Variants in FNDC3A observed in about 807,000 individuals in gnomAD.
The protein encoded by FNDC3A is fibronectin type-III domain-containing protein 3A.
A neutral mutation model predicts 148.9 loss-of-function variants in FNDC3A; 32 were observed. That is an observed-to-expected ratio of 0.21 (90% CI 0.16 to 0.29). The LOEUF is 0.29. Among genes scored for constraint, FNDC3A ranks in the 10% least tolerant of loss-of-function variants. The pLI, the probability that FNDC3A is intolerant of heterozygous loss-of-function variation, is 1.00. For synonymous variants in FNDC3A, 472 were observed against 473.6 expected (o/e 1.00, Z 0.04); for missense variants, 1,191 against 1,452.8 (o/e 0.82, Z 2.93).
chr13:49,135,937 A>G (rs183341485), intron 5 of FNDC3A, among the ~76,000 whole-genome samples: 47 of 152,182 alleles, frequency 3.1e-4, no homozygotes, highest in Non-Finnish European at 6.6e-4. Flanking sequence ...TACCTATTTT[A>G]TGTGTTTAAG....
intron 2 of FNDC3A, among the ~76,000 whole-genome samples, chr13:49,057,652 A>T (rs1042623162): frequency 1.3e-5 from 2 of 152,176 alleles, no homozygotes; most frequent in African/African-American, 4.8e-5. Context: ...TATACTTTTA[A>T]TGCATTAGTT....
At chr13:49,192,335 C>T (rs1416764011) in intron 19 of FNDC3A, among the ~76,000 whole-genome samples, 2 of 152,132 alleles carry the variant, frequency 1.3e-5, no homozygotes, top group Non-Finnish European at 2.9e-5. Flanking sequence ...CACCCTGTCA[C>T]CCAGGGTGGA....
At chr13:49,139,204 G>A (rs1253346368) in intron 7 of FNDC3A, among the ~76,000 whole-genome samples, 1 of 152,150 alleles carries the variant, frequency 6.6e-6, no homozygotes, top group Non-Finnish European at 1.5e-5. Context: ...GAGAAAAAGT[G>A]CAAAAGTGGA....
intron 11 of FNDC3A, among the ~76,000 whole-genome samples, chr13:49,174,070 G>C (rs777900041): frequency 1.3e-5 from 2 of 152,086 alleles, no homozygotes; most frequent in African/African-American, 2.4e-5. Flanking sequence ...GCTTTCCATA[G>C]GTTGAAAAAA....
chr13:49,079,330 A>G (rs924228789), intron 3 of FNDC3A, among the ~76,000 whole-genome samples: 12 of 152,130 alleles, frequency 7.9e-5, no homozygotes, highest in Admixed American at 5.2e-4. Flanking sequence ...GTCATGGGGG[A>G]AAAAAAGGGA....
chr13:49,125,125 A>G (rs1881614309), intron 4 of FNDC3A, among the ~76,000 whole-genome samples: 1 of 152,118 alleles, frequency 6.6e-6, no homozygotes, highest in Admixed American at 6.5e-5. Flanking sequence ...TACTCCTTTG[A>G]GCTGTGCTTG....
At chr13:49,079,349 A>G (rs1878325581) in intron 3 of FNDC3A, among the ~76,000 whole-genome samples, 1 of 152,244 alleles carries the variant, frequency 6.6e-6, no homozygotes, top group South Asian at 2.1e-4. Flanking sequence ...GAAAATTAAC[A>G]GTTGTATTAC....
chr13:49,150,477 G>A (rs56259023), intron 8 of FNDC3A, among the ~76,000 whole-genome samples: 2,746 of 151,842 alleles, frequency 0.018, 79 homozygotes, highest in African/African-American at 0.063. Context: ...ATTTTAATTT[G>A]TTCCAAGAAT....
At chr13:49,181,020 G>A (rs1287677035) in intron 14 of FNDC3A, among the ~76,000 whole-genome samples, 1 of 152,210 alleles carries the variant, frequency 6.6e-6, no homozygotes, top group African/African-American at 2.4e-5. Context: ...TTTCAAGGCT[G>A]TAGTGAGCTA....
chr13:49,010,336 T>C (rs900635592), intron 2 of FNDC3A, among the ~76,000 whole-genome samples: 1 of 152,164 alleles, frequency 6.6e-6, no homozygotes, highest in African/African-American at 2.4e-5. Context: ...GTTGGCACTA[T>C]AGACTTGGGA....
intron 7 of FNDC3A, among the ~76,000 whole-genome samples, chr13:49,142,628 A>AT (rs1228791285): frequency 6.6e-6 from 1 of 152,178 alleles, no homozygotes; most frequent in Non-Finnish European, 1.5e-5. Flanking sequence ...AGAAAACAGC[A>AT]TTTTTAGAAG....
intron 2 of FNDC3A, among the ~76,000 whole-genome samples, chr13:49,067,893 A>G (rs1316381461): frequency 6.6e-6 from 1 of 152,134 alleles, no homozygotes; most frequent in Non-Finnish European, 1.5e-5. Context: ...ATTCACCACC[A>G]CTATAAAATT....
chr13:49,168,603 A>T lies in FNDC3A; in HGVS notation c.1038-10A>T, dbSNP rs771956922. 3.8e-6 allele frequency: 6 copies of T among 1,598,118 alleles called. No homozygotes were observed. The Admixed American group carries it at 1.0e-4, about 27-fold the overall frequency. On this transcript the variant is annotated splice_polypyrimidine_tract_variant and intron_variant, in intron 9 of 25. Transcript: ENST00000492622. ...TATGAAAGGTAAAACTATTTATTTTATCACCATAGAGTCCAGGCAGAATAT... is the reference window on the plus strand; with the variant it reads ...TATGAAAGGTAAAACTATTTATTTTTTCACCATAGAGTCCAGGCAGAATAT...
intron 7 of FNDC3A, among the ~76,000 whole-genome samples, chr13:49,140,857 C>T (rs1882648948): frequency 1.3e-5 from 2 of 152,108 alleles, no homozygotes; most frequent in African/African-American, 4.8e-5. Context: ...GAGGACTAAA[C>T]CTTGACAAGG....
At chr13:49,140,230 G>A (rs908941516) in intron 7 of FNDC3A, among the ~76,000 whole-genome samples, 1 of 152,054 alleles carries the variant, frequency 6.6e-6, no homozygotes, top group Non-Finnish European at 1.5e-5. Context: ...CAGATACTTG[G>A]GATGCTGAGG....
At chr13:49,015,101 T>C (rs1436839385) in intron 2 of FNDC3A, among the ~76,000 whole-genome samples, 11 of 152,200 alleles carry the variant, frequency 7.2e-5, no homozygotes, top group Non-Finnish European at 4.4e-5. Flanking sequence ...AGGTTCCATA[T>C]GAACTTTAAA....
At chr13:49,187,481 A>G (rs970166035) in intron 16 of FNDC3A, 2 of 1,503,862 alleles carry the variant, frequency 1.3e-6, no homozygotes, top group Non-Finnish European at 1.8e-6. Flanking sequence ...AAACATCCTT[A>G]TGTTTTAAGT....
chr13:49,188,332 G>A (rs1885695701), intron 16 of FNDC3A, among the ~76,000 whole-genome samples, 183 bp from the exon 17 acceptor site: 1 of 152,298 alleles, frequency 6.6e-6, no homozygotes, highest in Admixed American at 6.5e-5. Flanking sequence ...ATGCAGACTT[G>A]TCTAGGAAGC....
intron 1 of FNDC3A, among the ~76,000 whole-genome samples, chr13:49,000,132 G>C (rs1297919932): frequency 6.6e-6 from 1 of 152,088 alleles, no homozygotes; most frequent in Non-Finnish European, 1.5e-5. Context: ...GTGTGTTTTT[G>C]CTGTCATATC....
Sources: gnomAD v4.1 joint callset for allele counts (sites outside exome capture counted in the v4.1 genomes callset) on GRCh38, gnomAD v4.1.1 for gene constraint, MANE v1.5 for transcripts, NCBI Gene and HGNC (gene_info 2026-07-23, HGNC 2026-07-21) for gene names.